RTL1: variants seen among roughly 807,000 people sequenced by gnomAD.
RTL1 encodes the protein retrotransposon Gag like 1, also known as retrotransposon-like protein 1.
For missense variants in RTL1, 1,681 were observed against 1,767.5 expected, an observed-to-expected ratio of 0.95 and a Z score of 0.88; for synonymous variants, 727 against 748.4, an observed-to-expected ratio of 0.97 and a Z score of 0.47.
rs754281990 is a variant in RTL1 at position 100,884,476 on chromosome 14, C to A, written c.313G>T (p.Gly105Cys). 19 of 1,614,044 alleles carry A rather than the reference C, an allele frequency of 1.2e-5. 1 individual carries two copies. The highest frequency in any genetic ancestry group is 1.6e-5 in the Non-Finnish European group (19 of 1,180,048). ...GGATCCCCCCTTGCCTGGTGTGAACCGTTGCATGACTCCTCCAGGTCTTGG... is the reference window on the plus strand; with the variant it reads ...GGATCCCCCCTTGCCTGGTGTGAACAGTTGCATGACTCCTCCAGGTCTTGG... ...LLQDLEESCN[G>C]SHQARGDPLS... is the part of the protein sequence containing the mutation. Residue 105 changes from glycine to cysteine, a missense_variant, in exon 4 of 4, where the codon GGT (glycine) becomes TGT (cysteine). Physicochemically the swap from Gly to Cys is radical, Grantham distance 159. Transcript: ENST00000649591.
At position 100,881,453 on chromosome 14, in the gene RTL1, G is replaced by T. The variant is rs1361233037; in HGVS notation, c.3336C>A (p.Ala1112=). The stretch of plus-strand genomic sequence containing the variant: ...GGGGCTGGGGCCGAGCCACCCGCAT[G>T]GCGGGTGCCGGCCGCAGCGAGAGGC... ...RQCLSLRPAP[A]MRVARPQPQR... is the part of the protein sequence containing the mutation. Residue 1112 remains alanine, a synonymous_variant, in exon 4 of 4, where the codon GCC becomes GCA. Coordinates refer to ENST00000649591, the MANE Select transcript of RTL1 (RefSeq NM_001134888.3). The surrounding 1 kb of genome is among the most constrained non-coding windows in gnomAD (Gnocchi z 6.6). 2 of 1,550,456 alleles carry T rather than the reference G, an allele frequency of 1.3e-6. No homozygotes were observed. Among genetic ancestry groups the T allele is most frequent in the Admixed American group, 2.0e-5 (1 of 50,978 alleles).
Position 100,903,562 on chromosome 14 carries a change from G to A in RTL1, c.-245+43C>T, listed in dbSNP as rs565241626. 3.9e-5 allele frequency among the ~76,000 whole-genome samples: 6 copies of A among 152,248 alleles called. No individual in the cohort carries two copies. In the South Asian group the frequency reaches 1.2e-3, roughly 32 times the overall value. On this transcript the variant is annotated intron_variant, in intron 1 of 3. Transcript: ENST00000649591. ...CTGGTCTCATGAGCCCCATTAGATT[G>A]ATGAGGAAACTGAGGCACAGAAAGG...
In RTL1 at chr14:100,884,568, A is replaced by G. The variant is rs772107832; in HGVS notation, c.221T>C (p.Leu74Pro). The G allele has an allele frequency of 1.9e-6, 3 of 1,613,062 alleles. No individual in the cohort carries two copies. Among genetic ancestry groups the G allele is most frequent in the Non-Finnish European group, 2.5e-6 (3 of 1,179,358 alleles). The change falls in exon 4 of 4, where the codon CTC (leucine) becomes CCC (proline). Residue 74 changes from leucine (L) to proline (P), a missense_variant. Coordinates refer to ENST00000649591, the MANE Select transcript of RTL1 (RefSeq NM_001134888.3). Reference sequence around the variant, plus strand: ...ACTGGATGGCTCCTCCATGTCTTGGAGTAGATCAGTGGGCAGCTCTTCCAT... The same window carrying G: ...ACTGGATGGCTCCTCCATGTCTTGGGGTAGATCAGTGGGCAGCTCTTCCAT... ...QEMEELPTDL[L>P]QDMEEPSSGP...
At chr14:100,894,328 AAAAAAAAAG>A (rs2038825712) in intron 2 of RTL1, among the ~76,000 whole-genome samples, 1 of 134,680 alleles carries the variant, frequency 7.4e-6, no homozygotes, top group African/African-American at 3.0e-5. Context: ...AAAAAAAAAG[AAAAAAAAAG>A]AAAAGAAAAA....
chr14:100,883,587 T>C lies in RTL1; in HGVS notation c.1202A>G (p.His401Arg), dbSNP rs375267729. The change falls in exon 4 of 4, where the codon CAT (histidine) becomes CGT (arginine). Residue 401 changes from histidine to arginine, a missense_variant. Transcript: ENST00000649591. The surrounding 1 kb of genome is among the most constrained non-coding windows in gnomAD (Gnocchi z 5.9). ...MVSSWLPSEV[H>R]PDINRAHLFL... is the part of the protein sequence containing the mutation. ...GAGGTGGGCGCGATTGATGTCCGGA[T>C]GGACTTCGCTGGGCAACCAGCTGCT... The C allele has an allele frequency of 1.9e-4, 296 of 1,551,264 alleles. No individual in the cohort carries two copies. In the African/African-American group the frequency reaches 3.6e-3, roughly 19 times the overall value.
chr14:100,895,094 G>A (rs2038836792), intron 2 of RTL1: 1 of 152,264 alleles, frequency 6.6e-6, no homozygotes, highest in Non-Finnish European at 1.5e-5. Flanking sequence ...GACAGGGTCT[G>A]AGAGGAGTCA....
Position 100,882,581 on chromosome 14 carries a change from C to G in RTL1, c.2208G>C (p.Leu736=), listed in dbSNP as rs2140035460. The G allele has an allele frequency of 6.4e-7, 1 of 1,551,750 alleles. No homozygotes were observed. The change falls in exon 4 of 4, where the codon CTG becomes CTC. Residue 736 remains leucine, a synonymous_variant. Coordinates refer to ENST00000649591, the MANE Select transcript of RTL1 (RefSeq NM_001134888.3). ...GCTCCTCCTGACTCATTGAGTAGAT[C>G]AGGACTTCCTGGCCATAAGAAAGCA... ...FFVLSYGQEV[L]IYSMSQEEHL...
intron 3 of RTL1, among the ~76,000 whole-genome samples, chr14:100,885,480 C>G (rs1286391170): frequency 6.6e-6 from 1 of 151,828 alleles, no homozygotes; most frequent in Non-Finnish European, 1.5e-5. Flanking sequence ...ATTTCCTTCC[C>G]CATGTTCAAA....
At chr14:100,896,369 A>C (rs1193447501) in intron 2 of RTL1, among the ~76,000 whole-genome samples, 2 of 152,176 alleles carry the variant, frequency 1.3e-5, no homozygotes, top group Non-Finnish European at 2.9e-5. Flanking sequence ...TTAACCAATT[A>C]GTGATCTGTG....
intron 2 of RTL1, among the ~76,000 whole-genome samples, chr14:100,899,445 C>T (rs1654493456): frequency 6.6e-6 from 1 of 152,114 alleles, no homozygotes; most frequent in African/African-American, 2.4e-5. Flanking sequence ...ACCTTTGGGA[C>T]CGAGTCATAT....
rs1173361619 is a variant in RTL1 at position 100,880,515 on chromosome 14, G to A, written c.*197C>T. 8.0e-6 allele frequency: 9 copies of A among 1,127,612 alleles called. No individual in the cohort carries two copies. Among genetic ancestry groups the A allele is most frequent in the Non-Finnish European group, 1.1e-5 (9 of 819,808 alleles). The allele number at this position is 1,127,612 out of a possible 1,614,324, so 69.9% of individuals were successfully genotyped here. ...GGCTGGCGCTGGGTCTCTGAGGACT[G>A]GGTAGTCCGTTAGCACAGGTGGCAT... On this transcript the variant is annotated 3_prime_UTR_variant, in exon 4 of 4. Transcript: ENST00000649591.
In RTL1 at chr14:100,882,140, G is replaced by A. The variant is rs1463887306; in HGVS notation, c.2649C>T (p.Gly883=). The A allele has an allele frequency of 1.3e-6, 2 of 1,551,452 alleles. No individual in the cohort carries two copies. Among genetic ancestry groups the A allele is most frequent in the Non-Finnish European group, 1.7e-6 (2 of 1,147,408 alleles). Reference sequence around the variant, plus strand: ...GGATCAGGGAGGCGTGCAGGGCCGTGCCGGTGACGCCGGTTTCCAAGTAGA... The same window carrying A: ...GGATCAGGGAGGCGTGCAGGGCCGTACCGGTGACGCCGGTTTCCAAGTAGA... The part of the protein sequence containing the change: ...NPFYLETGVT[G]TALHASLIQI... The change falls in exon 4 of 4, where the codon GGC becomes GGT. Residue 883 remains glycine, a synonymous_variant. Coordinates refer to ENST00000649591, the MANE Select transcript of RTL1 (RefSeq NM_001134888.3).
rs758575352 is a variant in RTL1, at chr14:100,884,395, G to A, written c.394C>T (p.Arg132Ter). Reference protein sequence around the residue: ...KEASVNPSGAREEQEAHTDLK... With the variant: ...KEASVNPSGA ...TCAGTGTGAGCCTCTTGTTCTTCTC[G>A]GGCTCCCGATGGGTTGACTGATGCT... Residue 132 changes from arginine (R) to a stop codon, truncating the protein, a stop_gained, in exon 4 of 4, where the codon CGA becomes TGA. Coordinates refer to ENST00000649591, the MANE Select transcript of RTL1 (RefSeq NM_001134888.3). LOFTEE classifies it low-confidence loss of function (END_TRUNC). The A allele has an allele frequency of 2.5e-6, 4 of 1,596,328 alleles. No individual in the cohort carries two copies. Among genetic ancestry groups the A allele is most frequent in the South Asian group, 1.1e-5 (1 of 88,280 alleles).
chr14:100,891,962 C>G (rs1470740923), intron 3 of RTL1, among the ~76,000 whole-genome samples: 1 of 152,092 alleles, frequency 6.6e-6, no homozygotes, highest in African/African-American at 2.4e-5. Flanking sequence ...GGTGGCTGGC[C>G]CAACAGGTGG....
chr14:100,881,852 A>G lies in RTL1; in HGVS notation c.2937T>C (p.Phe979=). 6.2e-7 allele frequency: 1 copy of G among 1,613,798 alleles called. No homozygotes were observed. Among genetic ancestry groups the G allele is most frequent in the Non-Finnish European group, 8.5e-7 (1 of 1,180,042 alleles). Residue 979 remains phenylalanine (F), a synonymous_variant, in exon 4 of 4, where the codon TTT becomes TTC. Transcript: ENST00000649591. The surrounding 1 kb of genome is among the most constrained non-coding windows in gnomAD (Gnocchi z 6.6). ...HWVFFFSHFN[F]DVMELPEQDG... ...CTTGTTCTGGCAGCTCCATGACGTC[A>G]AAGTTGAAGTGGGAGAAGAAGAAGA...
intron 2 of RTL1, among the ~76,000 whole-genome samples, chr14:100,902,975 T>C (rs1431290136): frequency 6.6e-6 from 1 of 152,162 alleles, no homozygotes; most frequent in Admixed American, 6.5e-5. Context: ...TCCCCTCTGC[T>C]GGCTTAATCG....
At chr14:100,887,173 C>A (rs1034115648) in intron 3 of RTL1, among the ~76,000 whole-genome samples, 2 of 152,080 alleles carry the variant, frequency 1.3e-5, no homozygotes, top group Admixed American at 1.3e-4. Flanking sequence ...TTAATACGAA[C>A]CCCCAAATCT....
intron 2 of RTL1, among the ~76,000 whole-genome samples, chr14:100,899,728 A>T (rs555162872): frequency 8.0e-6 from 1 of 125,530 alleles, no homozygotes; most frequent in African/African-American, 3.1e-5. Flanking sequence ...AAAAAAAAGG[A>T]CTCATAATCT....
chr14:100,897,269 A>G (rs550577363), intron 2 of RTL1, among the ~76,000 whole-genome samples: 4 of 152,358 alleles, frequency 2.6e-5, no homozygotes, highest in Non-Finnish European at 5.9e-5. Context: ...AAAAACAGAA[A>G]CAAAAACAAA....
Sources: gnomAD v4.1 joint callset for allele counts (sites outside exome capture counted in the v4.1 genomes callset) on GRCh38, gnomAD v4.1.1 for gene constraint, Gnocchi (gnomAD v3.1) non-coding constraint, MANE v1.5 for transcripts, NCBI Gene and HGNC (gene_info 2026-07-23, HGNC 2026-07-21) for gene names.